Variants in MICAL3 observed in about 807,000 individuals in gnomAD.
MICAL3 encodes [F-actin]-monooxygenase MICAL3.
MICAL3 carries 62 observed loss-of-function variants against 207.4 expected under a neutral mutation model. That is an observed-to-expected ratio of 0.30 (90% CI 0.24 to 0.37). The LOEUF (loss-of-function observed/expected upper bound fraction) is 0.37, where lower values mean the gene tolerates loss of function less well. Among genes scored for constraint, MICAL3 ranks in the 10% least tolerant of loss-of-function variants. The pLI is 1.00. For missense variants in MICAL3, 2,368 were observed against 2,635.6 expected, an observed-to-expected ratio of 0.90 and a Z score of 2.22; for synonymous variants, 1,077 against 1,069.3, an observed-to-expected ratio of 1.01 and a Z score of -0.14.
chr22:17,828,231 C>A (rs911872000), intron 21 of MICAL3, among the ~76,000 whole-genome samples: 3 of 152,268 alleles, frequency 2.0e-5, no homozygotes, highest in Admixed American at 1.3e-4. Flanking sequence ...TCCTGCCCCT[C>A]TGCTGGTCAC....
intron 1 of MICAL3, among the ~76,000 whole-genome samples, chr22:17,911,387 GCAT>G (rs1932133181): frequency 6.6e-6 from 1 of 152,052 alleles, no homozygotes; most frequent in Non-Finnish European, 1.5e-5. Context: ...CAAGAGTATG[GCAT>G]CAGAGTGAAG....
At chr22:17,810,495 AGCCT>A (rs1342678409) in intron 28 of MICAL3, among the ~76,000 whole-genome samples, 1 of 151,912 alleles carries the variant, frequency 6.6e-6, no homozygotes, top group East Asian at 1.9e-4. Flanking sequence ...CACCACGCCC[AGCCT>A]GCTCTTCCCT....
Position 17,827,787 on chromosome 22 carries a change from G to T in MICAL3, c.3056-6C>A. The stretch of plus-strand genomic sequence containing the variant: ...CTGGAGCCTCTGGTTCCCGGCTAGT[G>T]TCCCAGGGTCAAGGGGTGGAGAAAT... On this transcript the variant is annotated splice_region_variant and splice_polypyrimidine_tract_variant and intron_variant, in intron 21 of 31. Coordinates refer to ENST00000441493, the MANE Select transcript of MICAL3 (RefSeq NM_015241.3). 6.5e-7 allele frequency: 1 copy of T among 1,544,548 alleles called. No individual in the cohort carries two copies. Among genetic ancestry groups the T allele is most frequent in the Non-Finnish European group, 8.7e-7 (1 of 1,143,202 alleles).
At position 17,819,099 on chromosome 22, in the gene MICAL3, T is replaced by C. The variant is rs751034822; in HGVS notation, c.3562A>G (p.Thr1188Ala). The change falls in exon 26 of 32, where the codon ACC (threonine) becomes GCC (alanine). Residue 1188 changes from threonine (T) to alanine (A), a missense_variant. Transcript: ENST00000441493. ...GPQLPPVPAA[T>A]QEKSPEERLF... ...CGCTCCTCAGGTGATTTCTCCTGGGTGGCGGCAGGGACAGGTGGGAGTTGG... is the reference window on the plus strand; with the variant it reads ...CGCTCCTCAGGTGATTTCTCCTGGGCGGCGGCAGGGACAGGTGGGAGTTGG... 8 of 1,504,560 alleles carry C rather than the reference T, an allele frequency of 5.3e-6. No homozygotes were observed. In the African/African-American group the frequency reaches 1.1e-4, roughly 21 times the overall value. 93.2% of individuals were successfully genotyped at this position (1,504,560 alleles called of 1,614,324 possible).
At position 17,819,022 on chromosome 22, in the gene MICAL3, G is replaced by C. The variant is rs572564702; in HGVS notation, c.3639C>G (p.Pro1213=). Residue 1213 remains proline, a synonymous_variant, in exon 26 of 32, where the codon CCC becomes CCG. Coordinates refer to ENST00000441493, the MANE Select transcript of MICAL3 (RefSeq NM_015241.3). ...LPKEKPKADA[P]SDLKAVHSPI... Reference sequence around the variant, plus strand: ...GAGAGTGCACAGCTTTCAGATCCGAGGGGGCATCAGCTTTGGGCTTCTCTT... The same window carrying C: ...GAGAGTGCACAGCTTTCAGATCCGACGGGGCATCAGCTTTGGGCTTCTCTT... 1 of 1,606,822 alleles carries C rather than the reference G, an allele frequency of 6.2e-7. No individual in the cohort carries two copies. The highest frequency in any genetic ancestry group is 2.2e-5 in the East Asian group (1 of 44,806).
rs1201607277 is a variant in MICAL3 at position 17,810,577 on chromosome 22, G to A, written c.5556+126C>T. 6 of 707,836 alleles carry A rather than the reference G, an allele frequency of 8.5e-6. No homozygotes were observed. The African/African-American group carries it at 1.1e-4, about 12-fold the overall frequency. 43.8% of individuals were successfully genotyped at this position (707,836 alleles called of 1,614,324 possible). ...CCAGCCAAAGGTGACCTGGGTGGCAGGGAGGCCCGTCTACCTCTGCTCTGC... is the reference window on the plus strand; with the variant it reads ...CCAGCCAAAGGTGACCTGGGTGGCAAGGAGGCCCGTCTACCTCTGCTCTGC... On this transcript the variant is annotated intron_variant, in intron 28 of 31. Transcript: ENST00000441493.
At chr22:17,803,737 G>T in intron 29 of MICAL3, 1 of 726,888 alleles carries the variant, frequency 1.4e-6, no homozygotes, top group Non-Finnish European at 1.7e-6. Flanking sequence ...GTTTTTGTGA[G>T]CAGGGACTGG....
At chr22:17,808,095 C>T (rs2062006556) in intron 29 of MICAL3, among the ~76,000 whole-genome samples, 1 of 152,278 alleles carries the variant, frequency 6.6e-6, no homozygotes, top group African/African-American at 2.4e-5. Context: ...GCCAGAGATG[C>T]CTCAGGCACT....
chr22:18,006,446 A>G (rs1923391496), intron 1 of MICAL3: 1 of 152,220 alleles, frequency 6.6e-6, no homozygotes, highest in Admixed American at 6.5e-5. Context: ...AAATAACTGG[A>G]CACTTAGTAA....
chr22:17,854,236 C>A (rs1434732480), intron 19 of MICAL3, among the ~76,000 whole-genome samples: 3 of 151,842 alleles, frequency 2.0e-5, no homozygotes, highest in African/African-American at 7.3e-5. Flanking sequence ...GGGGGTGCTA[C>A]TGATGTCTGA....
chr22:17,986,392 C>A (rs958554268), intron 1 of MICAL3, among the ~76,000 whole-genome samples: 5 of 152,136 alleles, frequency 3.3e-5, no homozygotes, highest in African/African-American at 1.2e-4. Flanking sequence ...TGGTAACACA[C>A]GCCTGTAGTC....
intron 1 of MICAL3, chr22:18,019,805 GATTTTTTTTTTTT>G: frequency 7.8e-6 from 1 of 127,878 alleles, no homozygotes; most frequent in Non-Finnish European, 1.5e-5. Flanking sequence ...GAATGCTGCT[GATTTTTTTTTTTT>G]TTTTTTTTTT....
chr22:17,926,120 G>A (rs778309287), intron 1 of MICAL3, among the ~76,000 whole-genome samples: 1 of 152,136 alleles, frequency 6.6e-6, no homozygotes, highest in African/African-American at 2.4e-5. Flanking sequence ...TTCATCAGTA[G>A]AACATGAGCA....
At chr22:17,898,626 C>A (rs1931063378) in intron 7 of MICAL3, among the ~76,000 whole-genome samples, 1 of 152,260 alleles carries the variant, frequency 6.6e-6, no homozygotes, top group Admixed American at 6.5e-5. Flanking sequence ...AGGCCTGAAT[C>A]AGCACAACTG....
chr22:17,958,580 C>T (rs879106518), intron 1 of MICAL3, among the ~76,000 whole-genome samples: 13 of 152,216 alleles, frequency 8.5e-5, no homozygotes, highest in Admixed American at 2.0e-4. Context: ...GAATCATCCG[C>T]CCATGGAGTG....
Position 17,841,544 on chromosome 22 carries a change from G to C in MICAL3, c.2801+278C>G, listed in dbSNP as rs1602026935. On this transcript the variant is annotated intron_variant, in intron 20 of 31. Transcript: ENST00000441493. The surrounding 1 kb of genome is among the most constrained non-coding windows in gnomAD (Gnocchi z 4.2). ...AATCTGTGAATAACCCGGGGGCAGA[G>C]CCTGCCACTTTCCTTCCCAATGACA... 1 of 565,794 alleles carries C rather than the reference G, an allele frequency of 1.8e-6. No individual in the cohort carries two copies. Among genetic ancestry groups the C allele is most frequent in the East Asian group, 2.8e-5 (1 of 35,876 alleles). The allele number at this position is 565,794 out of a possible 1,614,324, so 35.0% of individuals were successfully genotyped here. A position where few individuals can be genotyped will look rare whatever the true frequency, so the allele number is the denominator to read the frequency against.
intron 16 of MICAL3, chr22:17,877,000 G>GGGAGGTTAT (rs1161976235): frequency 2.7e-5 from 2 of 74,956 alleles, no homozygotes; most frequent in Non-Finnish European, 4.9e-5. Flanking sequence ...AGGGAGGTGA[G>GGGAGGTTAT]GGAGGTTATG....
chr22:17,984,251 C>T (rs114781694), intron 1 of MICAL3, among the ~76,000 whole-genome samples: 2,064 of 152,328 alleles, frequency 0.014, 38 homozygotes, highest in African/African-American at 0.044. Context: ...GAGCCAGTTC[C>T]TGACTCACTT....
At chr22:17,898,919 C>G (rs992103428) in intron 7 of MICAL3, among the ~76,000 whole-genome samples, 1 of 152,134 alleles carries the variant, frequency 6.6e-6, no homozygotes, top group Non-Finnish European at 1.5e-5. Context: ...AAAACTGTAT[C>G]GGCAGTGACA....
Sources: allele counts gnomAD v4.1 joint callset (sites outside exome capture counted in the v4.1 genomes callset), GRCh38; gene constraint gnomAD v4.1.1; non-coding constraint Gnocchi (gnomAD v3.1); transcripts MANE v1.5; gene names NCBI Gene and HGNC (gene_info 2026-07-23, HGNC 2026-07-21).